The following NTRK3 variants were observed in gnomAD, a reference collection of about 807,000 sequenced individuals.
NTRK3 encodes NT-3 growth factor receptor.
Under a neutral mutation model 91.7 loss-of-function variants are expected in NTRK3, and 24 were observed. That is an observed-to-expected ratio of 0.26 (90% confidence interval 0.19 to 0.37). NTRK3 has a LOEUF of 0.37. Among genes scored for constraint, NTRK3 ranks in the 10% least tolerant of loss-of-function variants. The probability of loss-of-function intolerance (pLI) is 1.00; values close to 1 mark genes in which losing one functional copy is unlikely to be tolerated. For synonymous variants in NTRK3, 483 were observed against 404.0 expected (o/e 1.20, Z -2.34); for missense variants, 880 against 1,068.9 (o/e 0.82, Z 2.46).
chr15:88,196,734 T>A (rs2047854524), intron 3 of NTRK3, among the ~76,000 whole-genome samples: 2 of 152,204 alleles, frequency 1.3e-5, no homozygotes, highest in African/African-American at 2.4e-5. Flanking sequence ...ATAAACCATC[T>A]GTTCTCTTCC....
chr15:88,094,154 G>A (rs1423807546), intron 13 of NTRK3, among the ~76,000 whole-genome samples: 4 of 152,168 alleles, frequency 2.6e-5, no homozygotes, highest in African/African-American at 9.6e-5. Context: ...GAAGTGGGCT[G>A]CAGGAAGGGG....
chr15:88,054,112 G>A lies in NTRK3; in HGVS notation c.1397-21067C>T, dbSNP rs184797499. On this transcript the variant is annotated intron_variant, in intron 13 of 18. Coordinates refer to ENST00000394480, the Ensembl canonical transcript of NTRK3. Reference sequence around the variant, plus strand: ...CCCAGTTCAATATAAACCAGAGGCCGTTCTGGGCAAAAAGAAATGGGAATA... The same window carrying A: ...CCCAGTTCAATATAAACCAGAGGCCATTCTGGGCAAAAAGAAATGGGAATA... Among the ~76,000 whole-genome samples, 13 of 152,302 alleles carry A rather than the reference G, an allele frequency of 8.5e-5. No homozygotes were observed. The East Asian group carries it at 1.3e-3, about 16-fold the overall frequency.
In NTRK3 at chr15:88,147,505, C is replaced by CCTTCTTCTT. The variant is rs34299110; in HGVS notation, c.396-111_396-103dup. On this transcript the variant is annotated intron_variant, in intron 5 of 18. Coordinates refer to ENST00000394480, the Ensembl canonical transcript of NTRK3. ...TTTCACTGGAGCCTGGCTTTGTTTT[C>CCTTCTTCTT]CTTCTTCTTCTTCTTCTTCTTCTTC... is the stretch of plus-strand genomic sequence containing the variant. 4.5e-3 allele frequency: 2,975 copies of CCTTCTTCTT among 660,066 alleles called. 1 individual carries two copies. The highest frequency in any genetic ancestry group is 8.0e-3 in the South Asian group (479 of 60,172). The allele number at this position is 660,066 out of a possible 1,614,324, so 40.9% of individuals were successfully genotyped here. A position where few individuals can be genotyped will look rare whatever the true frequency, so the allele number is the denominator to read the frequency against.
chr15:88,174,286 T>C (rs1010035670), intron 5 of NTRK3, among the ~76,000 whole-genome samples: 10 of 152,124 alleles, frequency 6.6e-5, no homozygotes, highest in African/African-American at 2.2e-4. Context: ...TTAAATAGCT[T>C]ATCCAACGTC....
At chr15:88,037,961 A>G (rs2079215745) in intron 13 of NTRK3, among the ~76,000 whole-genome samples, 1 of 152,212 alleles carries the variant, frequency 6.6e-6, no homozygotes, top group Admixed American at 6.5e-5. Context: ...ATTTAAACTC[A>G]CAGTCTGGCT....
chr15:87,910,395 C>G (rs1303704800), intron 17 of NTRK3, among the ~76,000 whole-genome samples: 1 of 152,156 alleles, frequency 6.6e-6, no homozygotes, highest in Non-Finnish European at 1.5e-5. Flanking sequence ...GAAATGGCTC[C>G]CCTTTGGGAA....
At chr15:88,042,524 C>T (rs1217011798) in intron 13 of NTRK3, among the ~76,000 whole-genome samples, 1 of 152,220 alleles carries the variant, frequency 6.6e-6, no homozygotes, top group Non-Finnish European at 1.5e-5. Context: ...CTTCTCCGCT[C>T]CTCTCCCTGA....
intron 5 of NTRK3, among the ~76,000 whole-genome samples, chr15:88,167,581 T>C (rs755986393): frequency 6.6e-6 from 1 of 152,210 alleles, no homozygotes; most frequent in Non-Finnish European, 1.5e-5. Flanking sequence ...TATTTTGAGA[T>C]GTGGTATGTA....
intron 3 of NTRK3, among the ~76,000 whole-genome samples, chr15:88,227,323 A>G (rs1314972495): frequency 6.6e-6 from 1 of 152,128 alleles, no homozygotes; most frequent in Non-Finnish European, 1.5e-5. Context: ...CTCACCCCCA[A>G]CATAAAATTC....
intron 13 of NTRK3, among the ~76,000 whole-genome samples, chr15:88,059,587 T>C (rs1173988599): frequency 6.6e-6 from 1 of 152,130 alleles, no homozygotes; most frequent in Non-Finnish European, 1.5e-5. Context: ...GGCACCTCAA[T>C]CAACACAGGA....
chr15:88,184,844 G>C (rs1297487812), intron 3 of NTRK3, among the ~76,000 whole-genome samples: 1 of 152,216 alleles, frequency 6.6e-6, no homozygotes, highest in Non-Finnish European at 1.5e-5. Flanking sequence ...GTGACCCACA[G>C]CCCAATCCCT....
At chr15:88,081,772 T>C (rs983542452) in intron 13 of NTRK3, among the ~76,000 whole-genome samples, 6 of 152,170 alleles carry the variant, frequency 3.9e-5, no homozygotes, top group African/African-American at 1.4e-4. Flanking sequence ...TGTTCCTCCA[T>C]ATGGTAACAG....
At chr15:88,180,704 A>G (rs115993876) in intron 5 of NTRK3, among the ~76,000 whole-genome samples, 1,620 of 145,734 alleles carry the variant, frequency 0.011, 41 homozygotes, top group African/African-American at 0.039. Context: ...AAAAAAAGCC[A>G]CCAAGCCAGG....
intron 14 of NTRK3, among the ~76,000 whole-genome samples, chr15:87,992,639 T>C (rs1050692782): frequency 2.6e-5 from 4 of 152,256 alleles, no homozygotes; most frequent in Admixed American, 6.5e-5. Flanking sequence ...GCATGGATTT[T>C]CTAATCTGAC....
intron 3 of NTRK3, among the ~76,000 whole-genome samples, chr15:88,208,211 C>T (rs936943494): frequency 2.0e-5 from 3 of 152,206 alleles, no homozygotes; most frequent in South Asian, 2.1e-4. Flanking sequence ...CCCAGGAAGG[C>T]TTCCATCTCT....
At chr15:87,987,987 G>A (rs1477719314) in intron 14 of NTRK3, among the ~76,000 whole-genome samples, 11 of 152,152 alleles carry the variant, frequency 7.2e-5, no homozygotes, top group South Asian at 4.1e-4. Context: ...ACTCAAGGAC[G>A]TAGAGTTTCA....
intron 13 of NTRK3, among the ~76,000 whole-genome samples, chr15:88,055,108 G>A (rs2045567000): frequency 6.6e-6 from 1 of 152,206 alleles, no homozygotes; most frequent in African/African-American, 2.4e-5. Context: ...CATCCAGTGA[G>A]CTTAGATTCT....
chr15:87,871,245 GA>G, exon 19 of NTRK3: 1 of 230,826 alleles, frequency 4.3e-6, no homozygotes, highest in Non-Finnish European at 8.6e-6. Context: ...ACTTTCATAG[GA>G]AAATAAGGAA....
chr15:88,119,514 G>A lies in NTRK3; in HGVS notation c.1396+6757C>T, dbSNP rs536389706. ...AGGGAGGGCATGCAAACATTTGTTAGGAGAATACGAGGACCCTGGGATCAC... is the reference window on the plus strand; with the variant it reads ...AGGGAGGGCATGCAAACATTTGTTAAGAGAATACGAGGACCCTGGGATCAC... On this transcript the variant is annotated intron_variant, in intron 13 of 18. Coordinates refer to ENST00000394480, the Ensembl canonical transcript of NTRK3. Among the ~76,000 whole-genome samples the A allele has an allele frequency of 3.3e-5, 5 of 152,308 alleles. No individual in the cohort carries two copies. The East Asian group carries it at 7.7e-4, about 24-fold the overall frequency.
Sources: gnomAD v4.1 joint callset for allele counts (sites outside exome capture counted in the v4.1 genomes callset) on GRCh38, gnomAD v4.1.1 for gene constraint, MANE v1.5 for transcripts, NCBI Gene and HGNC (gene_info 2026-07-23, HGNC 2026-07-21) for gene names.